The following KALRN variants were observed in gnomAD, a reference collection of about 807,000 sequenced individuals.
KALRN encodes kalirin.
KALRN carries 70 observed loss-of-function variants against 353.7 expected under a neutral mutation model. The ratio of observed to expected loss-of-function variants is 0.20; its 90% confidence interval spans 0.16 to 0.24. The LOEUF (loss-of-function observed/expected upper bound fraction) is 0.24, where lower values mean the gene tolerates loss of function less well. KALRN is among the 10% of genes least tolerant of loss of function. KALRN has a pLI of 1.00. For missense variants in KALRN, 2,791 were observed against 3,756.7 expected (o/e 0.74, Z 6.72); for synonymous variants, 1,391 against 1,434.8 (o/e 0.97, Z 0.69).
intron 51 of KALRN, among the ~76,000 whole-genome samples, chr3:124,680,729 A>G (rs2087693284): frequency 6.6e-6 from 1 of 152,228 alleles, no homozygotes; most frequent in South Asian, 2.1e-4. Flanking sequence ...GCCCGAGGCA[A>G]TCGGCTGACA....
At position 124,663,744 on chromosome 3, in the gene KALRN, G is replaced by T. The variant is rs1578776617; in HGVS notation, c.6345+1816G>T. On this transcript the variant is annotated intron_variant, in intron 45 of 59. Transcript: ENST00000682506. The stretch of plus-strand genomic sequence containing the variant: ...TTCAGAAATAAATGGCTTGTTTTTT[G>T]TTTTTTGTTTTTTTTCTGGCTAAAC... Among the ~76,000 whole-genome samples, 4 of 151,796 alleles carry T rather than the reference G, an allele frequency of 2.6e-5. 1 individual carries two copies.
intron 1 of KALRN, among the ~76,000 whole-genome samples, chr3:124,172,934 T>C (rs1328709169): frequency 2.0e-5 from 3 of 152,174 alleles, no homozygotes; most frequent in Non-Finnish European, 4.4e-5. Context: ...AAGAGTTCAT[T>C]GGAAAACAGA....
chr3:124,706,709 A>G (rs1271935654), intron 57 of KALRN, among the ~76,000 whole-genome samples: 1 of 151,850 alleles, frequency 6.6e-6, no homozygotes, highest in Non-Finnish European at 1.5e-5. Flanking sequence ...AGCTGGAATT[A>G]CAGGTGCCTG....
Position 124,334,275 on chromosome 3 carries a change from A to T in KALRN, c.1427A>T (p.Asp476Val). 6 of 1,614,178 alleles carry T rather than the reference A, an allele frequency of 3.7e-6. No homozygotes were observed. Among genetic ancestry groups the T allele is most frequent in the Non-Finnish European group, 4.2e-6 (5 of 1,179,990 alleles). The change falls in exon 9 of 60, where the codon GAT becomes GTT. Residue 476 changes from aspartate (D) to valine (V), a missense_variant. Asp to Val is a radical substitution (Grantham distance 152, BLOSUM62 -3). Around this residue, in one of 11 missense-constraint regions of KALRN, gnomAD observed 366 missense variants for 489.2 expected, o/e 0.75. Transcript: ENST00000682506. The surrounding 1 kb of genome is among the most constrained non-coding windows in gnomAD (Gnocchi z 4.2). ...VTQAYTEVSQ[D>V]GKALLDVLQR... ...CTCTCTTTCCTGCAGGTCAGCCAGG[A>T]TGGCAAAGCACTACTTGATGTGCTG...
chr3:124,412,554 G>T (rs1410706651), intron 13 of KALRN, among the ~76,000 whole-genome samples: 1 of 152,222 alleles, frequency 6.6e-6, no homozygotes, highest in African/African-American at 2.4e-5. Flanking sequence ...CCTAGTCTGT[G>T]GATGATTGCA....
At chr3:124,624,830 T>C (rs2079753941) in intron 34 of KALRN, among the ~76,000 whole-genome samples, 1 of 152,166 alleles carries the variant, frequency 6.6e-6, no homozygotes, top group South Asian at 2.1e-4. Flanking sequence ...CAGGCATTGG[T>C]CTTAGGAGTG....
chr3:124,264,076 G>A (rs1197812007), intron 3 of KALRN, among the ~76,000 whole-genome samples: 1 of 149,504 alleles, frequency 6.7e-6, no homozygotes, highest in African/African-American at 2.5e-5. Flanking sequence ...TTTTTTTGCG[G>A]TGGAGGGGAA....
intron 51 of KALRN, among the ~76,000 whole-genome samples, chr3:124,689,211 T>C: frequency 6.6e-6 from 1 of 152,224 alleles, no homozygotes; most frequent in African/African-American, 2.4e-5. Flanking sequence ...ATGTTTTCTT[T>C]TTTTTATTTT....
intron 34 of KALRN, among the ~76,000 whole-genome samples, chr3:124,577,151 C>G (rs544947716): frequency 6.6e-6 from 1 of 151,908 alleles, no homozygotes; most frequent in East Asian, 1.9e-4. Flanking sequence ...CTCAGTATGG[C>G]CTGAACCACC....
intron 34 of KALRN, among the ~76,000 whole-genome samples, chr3:124,599,292 G>A (rs333250): frequency 0.046 from 6,966 of 152,188 alleles, 538 homozygotes; most frequent in African/African-American, 0.16. Flanking sequence ...GCTTGAAGCC[G>A]ACTTGCTTCA....
intron 34 of KALRN, among the ~76,000 whole-genome samples, chr3:124,580,570 A>C (rs557783618): frequency 1.2e-4 from 19 of 152,328 alleles, no homozygotes; most frequent in African/African-American, 4.3e-4. Flanking sequence ...AGGCTGGAGA[A>C]TCTAGGCATC....
chr3:124,299,940 T>G (rs887022681), intron 6 of KALRN, among the ~76,000 whole-genome samples: 4 of 152,160 alleles, frequency 2.6e-5, no homozygotes, highest in African/African-American at 9.7e-5. Flanking sequence ...CACCAGCTCT[T>G]TCTACTTGAA....
At chr3:124,223,814 A>G (rs903689595) in intron 1 of KALRN, among the ~76,000 whole-genome samples, 30 of 152,338 alleles carry the variant, frequency 2.0e-4, no homozygotes, top group African/African-American at 7.0e-4. Flanking sequence ...TGGAAGCCAC[A>G]GTGAGGCTGA....
intron 1 of KALRN, among the ~76,000 whole-genome samples, chr3:124,047,118 A>C (rs1559867337): frequency 6.6e-6 from 1 of 151,896 alleles, no homozygotes; most frequent in East Asian, 1.9e-4. Flanking sequence ...ATAAATATTC[A>C]CATAATTCAC....
chr3:124,283,454 A>G lies in KALRN; in HGVS notation c.969+14199A>G, dbSNP rs180696384. On this transcript the variant is annotated intron_variant, in intron 5 of 59. Transcript: ENST00000682506. ...TATTTTATCAGCATTTGTGGTTCAA[A>G]TGGAAGGAATTTGGCCACTCAGAGT... Among the ~76,000 whole-genome samples, 98 of 152,220 alleles carry G rather than the reference A, an allele frequency of 6.4e-4. 1 individual carries two copies. The highest frequency in any genetic ancestry group is 1.1e-3 in the Non-Finnish European group (76 of 68,016).
chr3:124,650,715 T>C, intron 37 of KALRN, 93 bp from the exon 38 acceptor site: 1 of 1,291,604 alleles, frequency 7.7e-7, no homozygotes, highest in Non-Finnish European at 1.1e-6. Flanking sequence ...CTACTGATTT[T>C]CCATGTTGTC....
intron 33 of KALRN, among the ~76,000 whole-genome samples, chr3:124,527,355 A>G (rs2109090921): frequency 6.6e-6 from 1 of 152,268 alleles, no homozygotes; most frequent in South Asian, 2.1e-4. Flanking sequence ...CACACCTGTA[A>G]TCCCAGCACT....
At chr3:124,414,491 C>A (rs959928236) in intron 14 of KALRN, among the ~76,000 whole-genome samples, 1 of 152,132 alleles carries the variant, frequency 6.6e-6, no homozygotes, top group African/African-American at 2.4e-5. Flanking sequence ...ATGACAAGAT[C>A]ATATAATTTT....
At chr3:124,516,404 T>A (rs1465323798) in intron 33 of KALRN, among the ~76,000 whole-genome samples, 1 of 152,202 alleles carries the variant, frequency 6.6e-6, no homozygotes, top group African/African-American at 2.4e-5. Flanking sequence ...TCCATGAGGT[T>A]GTGGTGCAGA....
Sources: allele counts gnomAD v4.1 joint callset (sites outside exome capture counted in the v4.1 genomes callset), GRCh38; gene constraint gnomAD v4.1.1; regional missense constraint gnomAD v4.1.1; non-coding constraint Gnocchi (gnomAD v3.1); transcripts MANE v1.5; gene names NCBI Gene and HGNC (gene_info 2026-07-23, HGNC 2026-07-21).